The following MEP1B variants were observed in gnomAD, a reference collection of about 807,000 sequenced individuals.
MEP1B encodes meprin A subunit beta, also known as N-benzoyl-L-tyrosyl-P-amino-benzoic acid hydrolase subunit beta.
A neutral mutation model predicts 84.6 loss-of-function variants in MEP1B; 80 were observed. The ratio of observed to expected loss-of-function variants is 0.95; its 90% CI spans 0.79 to 1.14. The LOEUF (loss-of-function observed/expected upper bound fraction) is 1.14, where lower values mean the gene tolerates loss of function less well. MEP1B is among the 50% of genes most tolerant of loss of function. The probability of loss-of-function intolerance (pLI) is 0.00; values close to 1 mark genes in which losing one functional copy is unlikely to be tolerated. For synonymous variants in MEP1B, 273 were observed against 288.1 expected (o/e 0.95, Z 0.53); for missense variants, 766 against 855.1 (o/e 0.90, Z 1.30).
chr18:32,195,766 T>C (rs887475689), intron 5 of MEP1B, among the ~76,000 whole-genome samples: 8 of 152,312 alleles, frequency 5.3e-5, no homozygotes, highest in Admixed American at 5.2e-4. Context: ...GACATAACGA[T>C]TAGGGAGCCA....
intron 11 of MEP1B, among the ~76,000 whole-genome samples, 174 bp downstream of exon 11, chr18:32,213,733 A>T (rs1297254540): frequency 6.6e-6 from 1 of 152,202 alleles, no homozygotes; most frequent in African/African-American, 2.4e-5. Context: ...TCTGTCAGAC[A>T]GGAGCTCATC....
chr18:32,216,453 C>T (rs1025679447), intron 12 of MEP1B, among the ~76,000 whole-genome samples: 1 of 152,180 alleles, frequency 6.6e-6, no homozygotes, highest in Admixed American at 6.5e-5. Context: ...AAATCTCCAC[C>T]AATTTGCTCT....
chr18:32,208,329 T>G, intron 9 of MEP1B, 58 bp downstream of exon 9: 1 of 1,423,892 alleles, frequency 7.0e-7, no homozygotes, highest in Non-Finnish European at 9.4e-7. Flanking sequence ...CACATACTTC[T>G]CTATGAAAGA....
Position 32,196,786 on chromosome 18 carries a change from G to A in MEP1B, c.250+1301G>A. ...ATGTTTTCCTGGATGGTGTTGGGGT[G>A]CTCGATGCCCATCACCCGCACGCTC... On this transcript the variant is annotated intron_variant, in intron 5 of 14. Coordinates refer to ENST00000269202, the MANE Select transcript of MEP1B (RefSeq NM_005925.3). The surrounding 1 kb of genome is among the most constrained non-coding windows in gnomAD (Gnocchi z 4.4). 1 of 657,706 alleles carries A rather than the reference G, an allele frequency of 1.5e-6. No individual in the cohort carries two copies. The allele number at this position is 657,706 out of a possible 1,614,324, so 40.7% of individuals were successfully genotyped here.
intron 7 of MEP1B, among the ~76,000 whole-genome samples, chr18:32,205,038 A>G (rs969076291): frequency 2.0e-5 from 3 of 152,158 alleles, no homozygotes; most frequent in Non-Finnish European, 4.4e-5. Flanking sequence ...GGACATATTC[A>G]AGGCATAACA....
At chr18:32,199,680 C>G (rs1438240033) in intron 5 of MEP1B, among the ~76,000 whole-genome samples, 1 of 147,528 alleles carries the variant, frequency 6.8e-6, no homozygotes, top group Non-Finnish European at 1.5e-5. Flanking sequence ...TCCTTCCTTC[C>G]TTCCTTCCTT....
At chr18:32,200,962 C>T (rs2040905633) in intron 5 of MEP1B, among the ~76,000 whole-genome samples, 1 of 152,162 alleles carries the variant, frequency 6.6e-6, no homozygotes, top group South Asian at 2.1e-4. Context: ...CAAAGCCTGG[C>T]ATGGTTCCAA....
intron 5 of MEP1B, among the ~76,000 whole-genome samples, chr18:32,201,784 G>C (rs539027187): frequency 3.7e-4 from 56 of 152,248 alleles, no homozygotes; most frequent in African/African-American, 1.3e-3. Context: ...TCTGAACTTA[G>C]TGCCTTTTAC....
chr18:32,194,223 C>G (rs1419864373), intron 4 of MEP1B, among the ~76,000 whole-genome samples: 1 of 152,182 alleles, frequency 6.6e-6, no homozygotes, highest in East Asian at 1.9e-4. Flanking sequence ...CTCCATCACT[C>G]TAATTCAGGC....
At chr18:32,201,675 G>C (rs2040914264) in intron 5 of MEP1B, among the ~76,000 whole-genome samples, 2 of 152,146 alleles carry the variant, frequency 1.3e-5, no homozygotes, top group African/African-American at 2.4e-5. Flanking sequence ...AAGGGTGATT[G>C]ATTATTCCTG....
At chr18:32,195,995 G>T in intron 5 of MEP1B, 2 of 342,270 alleles carry the variant, frequency 5.8e-6, no homozygotes, top group South Asian at 5.3e-5. Context: ...TGAGGCCACT[G>T]ACTGACTGTC....
At chr18:32,205,345 C>T (rs966212742) in intron 7 of MEP1B, among the ~76,000 whole-genome samples, 1 of 152,222 alleles carries the variant, frequency 6.6e-6, no homozygotes, top group African/African-American at 2.4e-5. Flanking sequence ...CAGTGACACT[C>T]AGCTTCCTCA....
chr18:32,220,332 A>C lies in MEP1B; in HGVS notation c.*87A>C, dbSNP rs1418062575. 1 of 1,236,730 alleles carries C rather than the reference A, an allele frequency of 8.1e-7. No homozygotes were observed. Among genetic ancestry groups the C allele is most frequent in the African/African-American group, 1.5e-5 (1 of 66,814 alleles). The allele number at this position is 1,236,730 out of a possible 1,614,324, so 76.6% of individuals were successfully genotyped here. The stretch of plus-strand genomic sequence containing the variant: ...GCCTAAGTGATATTACAGCCACCTC[A>C]TTCTTCTAAAAGTGGATATTTTTCT... On this transcript the variant is annotated 3_prime_UTR_variant, in exon 15 of 15. Coordinates refer to ENST00000269202, the MANE Select transcript of MEP1B (RefSeq NM_005925.3).
rs992999421 is a variant in MEP1B at position 32,213,522 on chromosome 18, T to C, written c.1542T>C (p.Asn514=). 1 of 1,613,742 alleles carries C rather than the reference T, an allele frequency of 6.2e-7. No individual in the cohort carries two copies. The highest frequency in any genetic ancestry group is 1.3e-5 in the African/African-American group (1 of 74,914). The change falls in exon 11 of 15, where the codon AAT becomes AAC. Residue 514 remains asparagine, a synonymous_variant. Coordinates refer to ENST00000269202, the MANE Select transcript of MEP1B (RefSeq NM_005925.3). ...CTGACATTCGACAGCGTATGTCCAA[T>C]CAGCGGAGTATAACTACAGACCCAT... ...QNPDIRQRMS[N]QRSITTDPFM... is the part of the protein sequence containing the mutation.
At chr18:32,203,261 AT>A in intron 6 of MEP1B, 1 of 360,690 alleles carries the variant, frequency 2.8e-6, no homozygotes, top group East Asian at 4.5e-5. Flanking sequence ...AACCTTGTGA[AT>A]TTCAGCCCGT....
chr18:32,200,339 T>C (rs1477182458), intron 5 of MEP1B, among the ~76,000 whole-genome samples: 2 of 152,168 alleles, frequency 1.3e-5, no homozygotes, highest in Non-Finnish European at 2.9e-5. Flanking sequence ...TGTTATTGCA[T>C]TTTTTCATAT....
intron 12 of MEP1B, among the ~76,000 whole-genome samples, chr18:32,216,284 C>G (rs1275356826): frequency 6.6e-6 from 1 of 152,072 alleles, no homozygotes; most frequent in Non-Finnish European, 1.5e-5. Context: ...AGAGATTATT[C>G]AGAAATAACT....
intron 5 of MEP1B, 149 bp downstream of exon 5, chr18:32,195,634 A>G: frequency 1.9e-6 from 1 of 537,460 alleles, no homozygotes; most frequent in Non-Finnish European, 3.2e-6. Context: ...TGAAAAAAAA[A>G]ATAAGCAAAA....
rs1389013440 is a variant in MEP1B, at chr18:32,196,897, C to T, written c.250+1412C>T. On this transcript the variant is annotated intron_variant, in intron 5 of 14. Coordinates refer to ENST00000269202, the MANE Select transcript of MEP1B (RefSeq NM_005925.3). This position sits in a 1 kb window ranked among gnomAD's most constrained non-coding sequence, Gnocchi z 4.4. ...AGGCGGGCAAGGAGGCGCAGGCAGGCTCAGATCTCCACGTGCACTGCTCCC... is the reference window on the plus strand; with the variant it reads ...AGGCGGGCAAGGAGGCGCAGGCAGGTTCAGATCTCCACGTGCACTGCTCCC... 2.2e-6 allele frequency: 1 copy of T among 454,916 alleles called. No homozygotes were observed. The allele number at this position is 454,916 out of a possible 1,614,324, so 28.2% of individuals were successfully genotyped here. A position where few individuals can be genotyped will look rare whatever the true frequency, so the allele number is the denominator to read the frequency against.
Sources: allele counts gnomAD v4.1 joint callset (sites outside exome capture counted in the v4.1 genomes callset), GRCh38; gene constraint gnomAD v4.1.1; non-coding constraint Gnocchi (gnomAD v3.1); transcripts MANE v1.5; gene names NCBI Gene and HGNC (gene_info 2026-07-23, HGNC 2026-07-21).